Variants in RPS10 observed in about 807,000 individuals in gnomAD.
RPS10 encodes the protein ribosomal protein S10.
A neutral mutation model predicts 22.6 loss-of-function variants in RPS10; 2 were observed. The ratio of observed to expected loss-of-function variants is 0.09; its 90% confidence interval spans 0.04 to 0.28. RPS10 has a LOEUF of 0.28. Among genes scored for constraint, RPS10 ranks in the 10% least tolerant of loss-of-function variants. The probability of loss-of-function intolerance (pLI) is 1.00; values close to 1 mark genes in which losing one functional copy is unlikely to be tolerated. For missense variants in RPS10, 137 were observed against 222.2 expected (o/e 0.62, Z 2.44); for synonymous variants, 70 against 75.9 (o/e 0.92, Z 0.40).
intron 4 of RPS10, among the ~76,000 whole-genome samples, chr6:34,421,395 G>A (rs1269122817): frequency 6.6e-6 from 1 of 151,732 alleles, no homozygotes; most frequent in Non-Finnish European, 1.5e-5. Flanking sequence ...TGTTGGCCAG[G>A]CTGGTCTCGA....
chr6:34,423,343 GCTGGTCTCAAACTC>G (rs1765832230), intron 3 of RPS10, among the ~76,000 whole-genome samples: 1 of 152,028 alleles, frequency 6.6e-6, no homozygotes, highest in Admixed American at 6.6e-5. Flanking sequence ...TACTGCCTTA[GCTGGTCTCAAACTC>G]CTGGACTCAA....
chr6:34,424,329 G>T (rs148158164), intron 3 of RPS10: 2 of 313,696 alleles, frequency 6.4e-6, no homozygotes, highest in Non-Finnish European at 1.2e-5. Context: ...TGTTTCTTTC[G>T]AGGTGGTAAA....
At chr6:34,418,284 T>C (rs1765644478) in intron 5 of RPS10, 85 bp downstream of exon 5, 7 of 1,608,214 alleles carry the variant, frequency 4.4e-6, no homozygotes, top group Admixed American at 3.4e-5. Context: ...ACCCATACTA[T>C]ATGACATCCC....
intron 4 of RPS10, among the ~76,000 whole-genome samples, chr6:34,418,981 C>G (rs1443847088): frequency 1.3e-5 from 2 of 152,072 alleles, no homozygotes; most frequent in Non-Finnish European, 2.9e-5. Flanking sequence ...CTCAAGCGAT[C>G]CTCCCACCTC....
intron 3 of RPS10, 40 bp from the exon 4 acceptor site, chr6:34,421,847 G>A: frequency 6.2e-7 from 1 of 1,611,860 alleles, no homozygotes; most frequent in East Asian, 2.2e-5. Flanking sequence ...AGGGCAATGT[G>A]AGAACTCTGT....
intron 4 of RPS10, among the ~76,000 whole-genome samples, chr6:34,421,333 AC>A (rs1321874747): frequency 6.6e-6 from 1 of 151,650 alleles, no homozygotes; most frequent in Admixed American, 6.6e-5. Flanking sequence ...ACAGACGCCC[AC>A]CACCACACCG....
chr6:34,420,425 C>T (rs1219839956), intron 4 of RPS10, among the ~76,000 whole-genome samples: 1 of 152,018 alleles, frequency 6.6e-6, no homozygotes, highest in African/African-American at 2.4e-5. Flanking sequence ...ACCATGCTGG[C>T]CAGGCTGGTC....
intron 3 of RPS10, 80 bp from the exon 4 acceptor site, chr6:34,421,887 C>T: frequency 6.6e-7 from 1 of 1,509,672 alleles, no homozygotes. Context: ...TGGCATTGCT[C>T]TCCTGTTGTC....
At chr6:34,421,387 T>G (rs887213563) in intron 4 of RPS10, among the ~76,000 whole-genome samples, 3 of 151,950 alleles carry the variant, frequency 2.0e-5, no homozygotes, top group African/African-American at 7.2e-5. Context: ...TTTCGTCATG[T>G]TGGCCAGGCT....
intron 2 of RPS10, 109 bp from the exon 3 acceptor site, chr6:34,424,949 C>T (rs891847683): frequency 4.4e-6 from 7 of 1,607,564 alleles, no homozygotes; most frequent in South Asian, 1.1e-5. Flanking sequence ...CCCCGCAGTC[C>T]TGACCTCCCT....
chr6:34,424,374 C>T (rs1003474128), intron 3 of RPS10: 6 of 411,378 alleles, frequency 1.5e-5, no homozygotes, highest in South Asian at 6.7e-5. Flanking sequence ...AATAGTACAA[C>T]GCACTCTGCG....
Position 34,425,201 on chromosome 6 carries a change from G to A in RPS10, c.21C>T (p.Asn7=). ...AAAGGAGTTCATAAATGGCAATCCG[G>A]TTCTTCTTAGGCATCAACATCTGCA... MLMPKK[N]RIAIYELLFK... The change falls in exon 2 of 6, where the codon AAC becomes AAT. Residue 7 remains asparagine (N), a synonymous_variant. Coordinates refer to ENST00000648437, the MANE Select transcript of RPS10 (RefSeq NM_001014.5). The A allele has an allele frequency of 6.2e-7, 1 of 1,611,864 alleles. No homozygotes were observed. Among genetic ancestry groups the A allele is most frequent in the South Asian group, 1.1e-5 (1 of 90,772 alleles).
chr6:34,424,116 C>A lies in RPS10; in HGVS notation c.322+553G>T, dbSNP rs573405038. Among the ~76,000 whole-genome samples, 5 of 114,642 alleles carry A rather than the reference C, an allele frequency of 4.4e-5. No individual in the cohort carries two copies. The South Asian group carries it at 1.5e-3, about 34-fold the overall frequency. 75.2% of individuals were successfully genotyped at this position (114,642 alleles called of 152,430 possible). ...CGGTGGCTTACCACCGCACTCCAGG[C>A]TGGGCAACAGAGCAAGACTCCGTTA... is the stretch of plus-strand genomic sequence containing the variant. On this transcript the variant is annotated intron_variant, in intron 3 of 5. Coordinates refer to ENST00000648437, the MANE Select transcript of RPS10 (RefSeq NM_001014.5).
intron 4 of RPS10, among the ~76,000 whole-genome samples, chr6:34,419,568 GTATT>G (rs1203008609): frequency 1.7e-4 from 20 of 121,120 alleles, no homozygotes; most frequent in Non-Finnish European, 2.1e-4. Context: ...CGATTTATTT[GTATT>G]TATTTACTTA....
chr6:34,425,462 A>C, intron 1 of RPS10: 1 of 506,596 alleles, frequency 2.0e-6, no homozygotes, highest in Non-Finnish European at 3.6e-6. Flanking sequence ...TTCGCGCCAA[A>C]CTTCCTTAAG....
chr6:34,421,730 G>C lies in RPS10; in HGVS notation c.400C>G (p.Pro134Ala). ...RDTYRRSAVP[P>A]GADKKAEAGA... ...TAATATAGGTGATGCATTTACTCAC[G>C]TGGCACAGCACTCCGTCTGTAGGTA... Residue 134 changes from proline (P) to alanine (A), a missense_variant and splice_region_variant, in exon 4 of 6, where the codon CCT (proline) becomes GCT (alanine). Transcript: ENST00000648437. 6.2e-7 allele frequency: 1 copy of C among 1,613,706 alleles called. No homozygotes were observed. The highest frequency in any genetic ancestry group is 1.3e-5 in the African/African-American group (1 of 74,986).
chr6:34,424,804 C>A lies in RPS10; in HGVS notation c.187G>T (p.Ala63Ser), dbSNP rs766328715. 1.2e-6 allele frequency: 2 copies of A among 1,614,092 alleles called. No homozygotes were observed. Among genetic ancestry groups the A allele is most frequent in the Admixed American group, 1.7e-5 (1 of 60,020 alleles). The stretch of plus-strand genomic sequence containing the variant: ...AGGTACCAGTAGAAATGTCTCCAGG[C>A]AAACTGTTCCTTCACGTAGCCTCGG... ...KSRGYVKEQF[A>S]WRHFYWYLTN... Residue 63 changes from alanine to serine, a missense_variant, in exon 3 of 6, where the codon GCC (alanine) becomes TCC (serine). Ala to Ser is a moderately conservative substitution (Grantham distance 99, BLOSUM62 1). Transcript: ENST00000648437.
intron 2 of RPS10, 59 bp downstream of exon 2, chr6:34,425,013 A>G: frequency 6.2e-7 from 1 of 1,610,298 alleles, no homozygotes; most frequent in South Asian, 1.1e-5. Context: ...ATTCCATCCC[A>G]TCCCGGGATG....
intron 4 of RPS10, 65 bp downstream of exon 4, chr6:34,421,665 A>G: frequency 2.5e-6 from 4 of 1,590,778 alleles, no homozygotes; most frequent in Non-Finnish European, 3.4e-6. Flanking sequence ...ACCCAGCCAG[A>G]GCCAGCTGTG....
Sources: allele counts gnomAD v4.1 joint callset (sites outside exome capture counted in the v4.1 genomes callset), GRCh38; gene constraint gnomAD v4.1.1; transcripts MANE v1.5; gene names NCBI Gene and HGNC (gene_info 2026-07-23, HGNC 2026-07-21).